ART1: variants seen among roughly 807,000 people sequenced by gnomAD.
ART1 encodes ADP-ribosyltransferase 1, also known as GPI-linked NAD(P)(+)--arginine ADP-ribosyltransferase 1.
A neutral mutation model predicts 27.0 loss-of-function variants in ART1; 29 were observed. The observed-to-expected ratio is 1.08, with a 90% CI of 0.80 to 1.47. The LOEUF is 1.47. Ranked by LOEUF, ART1 falls within the 40% of genes most tolerant of loss-of-function variation. The pLI is 0.00. For missense variants in ART1, 480 were observed against 423.0 expected, an observed-to-expected ratio of 1.13 and a Z score of -1.18; for synonymous variants, 201 against 172.2, an observed-to-expected ratio of 1.17 and a Z score of -1.31.
At chr11:3,657,028 A>C (rs2077580947) in intron 1 of ART1, among the ~76,000 whole-genome samples, 1 of 152,182 alleles carries the variant, frequency 6.6e-6, no homozygotes, top group Admixed American at 6.5e-5. Flanking sequence ...AAGATTAATG[A>C]AATTATAGAC....
Position 3,659,865 on chromosome 11 carries a change from G to A in ART1, c.346G>A (p.Val116Met), listed in dbSNP as rs775467427. The A allele has an allele frequency of 1.2e-6, 2 of 1,612,718 alleles. No homozygotes were observed. The highest frequency in any genetic ancestry group is 1.7e-6 in the Non-Finnish European group (2 of 1,179,650). ...CCTGGGCTTCCGCGATGAGCATGGG[G>A]TGGCCCTCCTGGCCTACACAGCCAA... The part of the protein sequence containing the change: ...PPLGFRDEHG[V>M]ALLAYTANSP... The change falls in exon 3 of 5, where the codon GTG (valine) becomes ATG (methionine). Residue 116 changes from valine to methionine, a missense_variant. Coordinates refer to ENST00000250693, the MANE Select transcript of ART1 (RefSeq NM_004314.3).
rs979270888 is a variant in ART1, at chr11:3,652,758, A to G, written c.-52-6404A>G. 3.3e-5 allele frequency among the ~76,000 whole-genome samples: 5 copies of G among 151,170 alleles called. 1 individual carries two copies. The South Asian group carries it at 1.1e-3, about 32-fold the overall frequency. ...GCTCTTGTTTACACTGCCGGTTTACACTGTTTCTCCAAGCCATCACAGCTG... is the reference window on the plus strand; with the variant it reads ...GCTCTTGTTTACACTGCCGGTTTACGCTGTTTCTCCAAGCCATCACAGCTG... On this transcript the variant is annotated intron_variant, in intron 1 of 4. Transcript: ENST00000250693.
intron 1 of ART1, among the ~76,000 whole-genome samples, chr11:3,645,859 CAGG>C (rs1264221625): frequency 6.6e-6 from 1 of 152,030 alleles, no homozygotes; most frequent in African/African-American, 2.4e-5. Context: ...AGTAGGTATC[CAGG>C]AGAAGGGTGT....
chr11:3,663,071 ATCTCATCATCTCATCTCATCATCTCATC>A lies in ART1; in HGVS notation c.887-1018_887-991del, dbSNP rs1261796992. Among the ~76,000 whole-genome samples, 469 of 105,884 alleles carry A rather than the reference ATCTCATCATCTCATCTCATCATCTCATC, an allele frequency of 4.4e-3. 7 individuals are homozygous for A. Among genetic ancestry groups the A allele is most frequent in the African/African-American group, 0.021 (443 of 21,580 alleles). The allele number at this position is 105,884 out of a possible 152,430, so 69.5% of individuals were successfully genotyped here. A position where few individuals can be genotyped will look rare whatever the true frequency, so the allele number is the denominator to read the frequency against. On this transcript the variant is annotated intron_variant, in intron 4 of 4. Transcript: ENST00000250693. Reference sequence around the variant, plus strand: ...ATCTCATCTCATCTCATCTCATCTCATCTCATCATCTCATCTCATCATCTCATCTCATCTCATCTCATCTCATCTCATC... The same window carrying A: ...ATCTCATCTCATCTCATCTCATCTCATCATCTCATCTCATCTCATCTCATC...
intron 4 of ART1, 28 bp from the exon 5 acceptor site, chr11:3,664,064 C>G (rs1251842537): frequency 6.2e-7 from 1 of 1,610,724 alleles, no homozygotes; most frequent in Non-Finnish European, 8.5e-7. Flanking sequence ...TCTCTCTCCC[C>G]CAACCTCTCT....
chr11:3,661,741 A>T (rs985171208), intron 4 of ART1, among the ~76,000 whole-genome samples: 3 of 151,982 alleles, frequency 2.0e-5, no homozygotes, highest in African/African-American at 7.3e-5. Context: ...CAGGTGATCC[A>T]TCCACCTCGG....
intron 4 of ART1, among the ~76,000 whole-genome samples, chr11:3,661,777 C>T (rs11028845): frequency 0.072 from 11,029 of 152,162 alleles, 991 homozygotes; most frequent in African/African-American, 0.21. Flanking sequence ...GGATTACAGG[C>T]GTCAGCCACC....
intron 1 of ART1, among the ~76,000 whole-genome samples, chr11:3,652,567 A>G (rs377039401): frequency 2.6e-5 from 4 of 152,150 alleles, no homozygotes; most frequent in African/African-American, 9.7e-5. Flanking sequence ...ATGCTACAAG[A>G]TACAGCCCAT....
chr11:3,645,743 C>A (rs1030327355), intron 1 of ART1, among the ~76,000 whole-genome samples: 1 of 152,194 alleles, frequency 6.6e-6, no homozygotes, highest in Non-Finnish European at 1.5e-5. Context: ...ATAAGGGCAG[C>A]ACAGTGTGAT....
At position 3,664,209 on chromosome 11, in the gene ART1, C is replaced by A; in HGVS notation, c.*20C>A. On this transcript the variant is annotated 3_prime_UTR_variant, in exon 5 of 5. Transcript: ENST00000250693. ...CTTTGATGCATGAGACACGGGACAG[C>A]CTCGCCTGCTGCCTCTGCCCATCCT... The A allele has an allele frequency of 6.2e-7, 1 of 1,608,700 alleles. No homozygotes were observed. Among genetic ancestry groups the A allele is most frequent in the Non-Finnish European group, 8.5e-7 (1 of 1,176,192 alleles).
intron 4 of ART1, 197 bp from the exon 5 acceptor site, chr11:3,663,895 T>C (rs1446948559): frequency 1.8e-6 from 1 of 565,738 alleles, no homozygotes; most frequent in Admixed American, 3.1e-5. Flanking sequence ...TGATAACCCA[T>C]TACCATTGGA....
intron 1 of ART1, among the ~76,000 whole-genome samples, 193 bp downstream of exon 1, chr11:3,645,372 C>T (rs1412920727): frequency 6.6e-6 from 1 of 152,118 alleles, no homozygotes; most frequent in East Asian, 1.9e-4. Context: ...TTTGGGGTCA[C>T]ATTCCCAGGA....
chr11:3,663,089 A>ATCTCATCATCTCATC (rs751116037), intron 4 of ART1, among the ~76,000 whole-genome samples: 3 of 87,116 alleles, frequency 3.4e-5, no homozygotes, highest in Non-Finnish European at 4.6e-5. Context: ...ATCTCATCTC[A>ATCTCATCATCTCATC]TCATCTCATC....
intron 1 of ART1, among the ~76,000 whole-genome samples, chr11:3,648,147 G>A (rs954964652): frequency 6.6e-6 from 1 of 152,012 alleles, no homozygotes; most frequent in African/African-American, 2.4e-5. Flanking sequence ...CCCTTTGACT[G>A]TAATTTTCCT....
intron 1 of ART1, among the ~76,000 whole-genome samples, chr11:3,649,094 A>G (rs2077495058): frequency 6.6e-6 from 1 of 151,980 alleles, no homozygotes; most frequent in East Asian, 1.9e-4. Flanking sequence ...CTGGAGGGTA[A>G]GAACCCCTGA....
At chr11:3,651,104 C>T (rs1385839730) in intron 1 of ART1, among the ~76,000 whole-genome samples, 1 of 151,830 alleles carries the variant, frequency 6.6e-6, no homozygotes, top group African/African-American at 2.4e-5. Flanking sequence ...AATTGTTTTG[C>T]CTATCCACCC....
At chr11:3,646,147 C>G (rs2077468254) in intron 1 of ART1, among the ~76,000 whole-genome samples, 1 of 151,838 alleles carries the variant, frequency 6.6e-6, no homozygotes, top group South Asian at 2.1e-4. Flanking sequence ...GATATTTCTT[C>G]CAGTCAGTTT....
chr11:3,654,886 C>G (rs1434239894), intron 1 of ART1, among the ~76,000 whole-genome samples: 1 of 152,164 alleles, frequency 6.6e-6, no homozygotes, highest in Non-Finnish European at 1.5e-5. Flanking sequence ...CCCCTCAAGC[C>G]TCTGATGTAT....
rs192870891 is a variant in ART1, at chr11:3,648,810, C to T, written c.-53+3631C>T. 7.9e-5 allele frequency among the ~76,000 whole-genome samples: 12 copies of T among 152,256 alleles called. No homozygotes were observed. The East Asian group carries it at 2.1e-3, about 27-fold the overall frequency. On this transcript the variant is annotated intron_variant, in intron 1 of 4. Transcript: ENST00000250693. ...GGGTAAGTACCCCAACCCCTTTTCT[C>T]TGTGTCTCTACCCCTTCTCTGCTTT...
Sources: allele counts gnomAD v4.1 joint callset (sites outside exome capture counted in the v4.1 genomes callset), GRCh38; gene constraint gnomAD v4.1.1; transcripts MANE v1.5; gene names NCBI Gene and HGNC (gene_info 2026-07-23, HGNC 2026-07-21).